PDE8A: variants seen among roughly 807,000 people sequenced by gnomAD.
PDE8A encodes the protein phosphodiesterase 8A.
Under a neutral mutation model 105.0 loss-of-function variants are expected in PDE8A, and 59 were observed. The observed-to-expected ratio is 0.56, with a 90% confidence interval of 0.46 to 0.70. The LOEUF (loss-of-function observed/expected upper bound fraction) is 0.70. PDE8A is among the 30% of genes least tolerant of loss of function. The pLI is 0.00. For synonymous variants in PDE8A, 355 were observed against 371.9 expected (o/e 0.95, Z 0.52); for missense variants, 1,014 against 1,045.9 (o/e 0.97, Z 0.42).
Position 85,083,572 on chromosome 15 carries a change from C to G in PDE8A, c.563C>G (p.Pro188Arg). ...AGFTRRYVENPNIMACYNELL... is the reference protein window; with the variant it reads ...AGFTRRYVENRNIMACYNELL... ...TGTTTGTAGAGGTATGTAGAAAACC[C>G]CAACATCATGGCCTGCTACAATGAA... is the stretch of plus-strand genomic sequence containing the variant. Residue 188 changes from proline to arginine, a missense_variant, in exon 6 of 22, where the codon CCC becomes CGC. Physicochemically the swap from Pro to Arg is moderately radical, Grantham distance 103. Transcript: ENST00000394553. 1 of 1,611,422 alleles carries G rather than the reference C, an allele frequency of 6.2e-7. No homozygotes were observed. Among genetic ancestry groups the G allele is most frequent in the Non-Finnish European group, 8.5e-7 (1 of 1,177,630 alleles).
chr15:85,030,995 A>G (rs1020917698), intron 1 of PDE8A, among the ~76,000 whole-genome samples: 12 of 152,246 alleles, frequency 7.9e-5, no homozygotes, highest in African/African-American at 2.9e-4. Flanking sequence ...CTATAACATC[A>G]GTACTCAGTA....
intron 1 of PDE8A, among the ~76,000 whole-genome samples, chr15:85,026,997 C>G (rs2080528589): frequency 6.6e-6 from 1 of 152,076 alleles, no homozygotes; most frequent in Non-Finnish European, 1.5e-5. Context: ...TTTATGAACA[C>G]CAAATTTTAT....
chr15:85,126,207 G>C lies in PDE8A; in HGVS notation c.2086G>C (p.Glu696Gln), dbSNP rs774563026. The C allele has an allele frequency of 6.2e-7, 1 of 1,602,792 alleles. No individual in the cohort carries two copies. The highest frequency in any genetic ancestry group is 1.1e-5 in the South Asian group (1 of 89,194). The change falls in exon 20 of 22, where the codon GAA becomes CAA. Residue 696 changes from glutamate (E) to glutamine (Q), a missense_variant and splice_region_variant. Glu to Gln is a conservative substitution (Grantham distance 29). Coordinates refer to ENST00000394553, the MANE Select transcript of PDE8A (RefSeq NM_002605.3). ...KPLATLEENG[E>Q]TDKNQEVINT... The stretch of plus-strand genomic sequence containing the variant: ...GCTTTGAATTCCACTCATGTTTCAG[G>C]AAACTGATAAAAACCAGGAAGTGAT...
At chr15:85,000,860 A>C (rs191112798) in intron 1 of PDE8A, among the ~76,000 whole-genome samples, 4 of 152,106 alleles carry the variant, frequency 2.6e-5, no homozygotes, top group African/African-American at 9.7e-5. Flanking sequence ...TGGAATTTTT[A>C]TCCCACCTTA....
At chr15:85,043,773 C>G (rs1395932600) in intron 1 of PDE8A, among the ~76,000 whole-genome samples, 1 of 152,100 alleles carries the variant, frequency 6.6e-6, no homozygotes, top group Non-Finnish European at 1.5e-5. Context: ...TCTTGGCACA[C>G]TGCAACCTCT....
At chr15:85,039,874 G>C (rs764121695) in intron 1 of PDE8A, among the ~76,000 whole-genome samples, 2 of 152,166 alleles carry the variant, frequency 1.3e-5, no homozygotes, top group Non-Finnish European at 2.9e-5. Context: ...CACTTATGTG[G>C]AATATACAAA....
At chr15:85,011,828 A>C (rs1372012384) in intron 1 of PDE8A, among the ~76,000 whole-genome samples, 1 of 152,202 alleles carries the variant, frequency 6.6e-6, no homozygotes, top group African/African-American at 2.4e-5. Flanking sequence ...AGAATCTACA[A>C]TGAACTCAAA....
At chr15:84,982,387 C>T (rs1407974325) in intron 1 of PDE8A, 39 bp downstream of exon 1, 7 of 1,263,290 alleles carry the variant, frequency 5.5e-6, no homozygotes, top group Non-Finnish European at 7.0e-6. Flanking sequence ...CCGCGAAACT[C>T]GGGCCCGGCC....
chr15:85,127,605 A>G (rs546506451), intron 20 of PDE8A, among the ~76,000 whole-genome samples: 1 of 152,342 alleles, frequency 6.6e-6, no homozygotes, highest in Non-Finnish European at 1.5e-5. Context: ...AAATTAGGAA[A>G]AAATTTAATA....
intron 1 of PDE8A, among the ~76,000 whole-genome samples, chr15:85,040,481 G>C (rs1367991288): frequency 6.6e-6 from 1 of 151,142 alleles, no homozygotes; most frequent in Non-Finnish European, 1.5e-5. Flanking sequence ...GTCTTCTCTA[G>C]GCACCTGTTC....
intron 12 of PDE8A, among the ~76,000 whole-genome samples, chr15:85,113,018 T>A (rs1455641137): frequency 6.6e-6 from 1 of 152,220 alleles, no homozygotes. Flanking sequence ...TGGCATTGTC[T>A]TCCGGAACAT....
Position 85,135,260 on chromosome 15 carries a change from G to A in PDE8A, c.2254-1274G>A, listed in dbSNP as rs138710755. On this transcript the variant is annotated intron_variant, in intron 20 of 21. Transcript: ENST00000394553. Reference sequence around the variant, plus strand: ...ACACGTCTTGTGAGTGGCCAACAGTGGGACGAGACTTCAGTGGTTAGCAAG... The same window carrying A: ...ACACGTCTTGTGAGTGGCCAACAGTAGGACGAGACTTCAGTGGTTAGCAAG... 5.2e-3 allele frequency among the ~76,000 whole-genome samples: 784 copies of A among 152,184 alleles called. 12 individuals are homozygous for A. The highest frequency in any genetic ancestry group is 0.031 in the Middle Eastern group (9 of 294).
At chr15:85,017,502 G>GT (rs1168133872) in intron 1 of PDE8A, among the ~76,000 whole-genome samples, 4 of 152,264 alleles carry the variant, frequency 2.6e-5, no homozygotes, top group South Asian at 4.1e-4. Context: ...AGAAGATAAT[G>GT]TTTTATACAA....
chr15:85,098,138 A>T, intron 9 of PDE8A, 102 bp downstream of exon 9: 1 of 732,590 alleles, frequency 1.4e-6, no homozygotes. Context: ...AGAAGTGTCA[A>T]GGTCAGGTGT....
intron 1 of PDE8A, among the ~76,000 whole-genome samples, chr15:85,061,729 A>G (rs2081148763): frequency 6.6e-6 from 1 of 152,020 alleles, no homozygotes; most frequent in Non-Finnish European, 1.5e-5. Context: ...CCCGTGATGC[A>G]TATATTAGCT....
Position 84,981,876 on chromosome 15 carries a change from G to A in PDE8A, c.-287G>A, listed in dbSNP as rs2079714076. On this transcript the variant is annotated 5_prime_UTR_variant, in exon 1 of 22. Coordinates refer to ENST00000394553, the MANE Select transcript of PDE8A (RefSeq NM_002605.3). ...GAAGCGCGGCCGAGGCGAGCCCGGC[G>A]ATGTGAGAGGCGGCCGTCGGCTCCT... The A allele has an allele frequency of 4.7e-6, 1 of 213,848 alleles. No homozygotes were observed. Among genetic ancestry groups the A allele is most frequent in the East Asian group, 1.1e-4 (1 of 9,290 alleles). The allele number at this position is 213,848 out of a possible 1,614,324, so 13.2% of individuals were successfully genotyped here.
At chr15:85,135,858 G>A (rs2082400933) in intron 20 of PDE8A, among the ~76,000 whole-genome samples, 1 of 152,084 alleles carries the variant, frequency 6.6e-6, no homozygotes, top group African/African-American at 2.4e-5. Context: ...AATACTCAGA[G>A]CTCTTTTTTT....
intron 17 of PDE8A, chr15:85,120,565 T>G (rs950355072): frequency 9.6e-6 from 4 of 418,738 alleles, no homozygotes; most frequent in Non-Finnish European, 1.7e-5. Context: ...TCCTATCTGT[T>G]GAGAACACCT....
At chr15:85,091,794 C>T (rs2141533466) in intron 8 of PDE8A, among the ~76,000 whole-genome samples, 1 of 151,748 alleles carries the variant, frequency 6.6e-6, no homozygotes, top group East Asian at 1.9e-4. Flanking sequence ...AAGGTTATTT[C>T]TGTGAACCAC....
Sources: allele counts gnomAD v4.1 joint callset (sites outside exome capture counted in the v4.1 genomes callset), GRCh38; gene constraint gnomAD v4.1.1; transcripts MANE v1.5; gene names NCBI Gene and HGNC (gene_info 2026-07-23, HGNC 2026-07-21).